Variants in ITGAL observed in about 807,000 individuals in gnomAD.
The protein encoded by ITGAL is integrin subunit alpha L.
A neutral mutation model predicts 138.4 loss-of-function variants in ITGAL; 68 were observed. That is an observed-to-expected ratio of 0.49 (90% CI 0.40 to 0.60). The LOEUF is 0.60. Ranked by LOEUF, ITGAL falls within the 20% of genes least tolerant of loss-of-function variation. The probability of loss-of-function intolerance (pLI) is 0.00; values close to 1 mark genes in which losing one functional copy is unlikely to be tolerated. For synonymous variants in ITGAL, 561 were observed against 584.3 expected, an observed-to-expected ratio of 0.96 and a Z score of 0.57; for missense variants, 1,256 against 1,478.6, an observed-to-expected ratio of 0.85 and a Z score of 2.47.
intron 17 of ITGAL, among the ~76,000 whole-genome samples, chr16:30,500,863 G>C (rs115866974): frequency 6.6e-6 from 1 of 152,138 alleles, no homozygotes; most frequent in Non-Finnish European, 1.5e-5. Context: ...AATTAGCTGC[G>C]TGTGTTGGCA....
chr16:30,498,905 T>C (rs2050843382), intron 15 of ITGAL, 169 bp from the exon 16 acceptor site: 1 of 621,550 alleles, frequency 1.6e-6, no homozygotes, highest in South Asian at 2.1e-5. Context: ...TCTCTCAAAA[T>C]AAATAAATAA....
intron 4 of ITGAL, among the ~76,000 whole-genome samples, chr16:30,475,915 C>G (rs940407613): frequency 6.6e-6 from 1 of 151,786 alleles, no homozygotes; most frequent in African/African-American, 2.4e-5. Flanking sequence ...CCATGCCCAG[C>G]TAATTTTTAT....
At chr16:30,519,761 G>A in intron 29 of ITGAL, 96 bp from the exon 30 acceptor site, 1 of 804,076 alleles carries the variant, frequency 1.2e-6, no homozygotes, top group South Asian at 1.5e-5. Flanking sequence ...GGGTGATGCA[G>A]TCCGGATAGG....
At position 30,494,253 on chromosome 16, in the gene ITGAL, T is replaced by A. The variant is rs774210178; in HGVS notation, c.1255T>A (p.Leu419Met). The change falls in exon 12 of 31, where the codon TTG (leucine) becomes ATG (methionine). Residue 419 changes from leucine to methionine, a missense_variant. Leu to Met is a conservative substitution (Grantham distance 15, BLOSUM62 2). This residue lies in a region of ITGAL where 867 missense variants were observed against 972.5 expected (regional missense o/e 0.89). Transcript: ENST00000356798. This position sits in a 1 kb window ranked among gnomAD's most constrained non-coding sequence, Gnocchi z 4.2. ...GCTGCCCTCCCGGCAAAAGACTTCG[T>A]TGCTGGCCTCGGGAGCCCCTCGATA... ...TWLPSRQKTSLLASGAPRYQH... is the reference protein window; with the variant it reads ...TWLPSRQKTSMLASGAPRYQH... The A allele has an allele frequency of 8.7e-6, 14 of 1,612,808 alleles. No homozygotes were observed. Among genetic ancestry groups the A allele is most frequent in the African/African-American group, 1.3e-5 (1 of 75,056 alleles).
At chr16:30,499,583 C>A in intron 17 of ITGAL, 94 bp downstream of exon 17, 1 of 1,228,412 alleles carries the variant, frequency 8.1e-7, no homozygotes, top group Non-Finnish European at 1.2e-6. Context: ...CACTTCCATC[C>A]CTCTGTGCTG....
intron 21 of ITGAL, among the ~76,000 whole-genome samples, chr16:30,510,010 G>C (rs1000883827): frequency 6.6e-6 from 1 of 151,318 alleles, no homozygotes; most frequent in African/African-American, 2.4e-5. Flanking sequence ...TTGCACTCTA[G>C]CCTGGGCAAC....
At chr16:30,498,411 A>C (rs1161708522) in intron 15 of ITGAL, among the ~76,000 whole-genome samples, 8 of 152,140 alleles carry the variant, frequency 5.3e-5, no homozygotes, top group Admixed American at 5.2e-4. Flanking sequence ...CAGCCTGAGC[A>C]ACAAAGCGAG....
intron 21 of ITGAL, 109 bp from the exon 22 acceptor site, chr16:30,510,252 C>A: frequency 1.4e-6 from 1 of 700,452 alleles, no homozygotes; most frequent in Non-Finnish European, 2.6e-6. Flanking sequence ...TGAGAAGGTT[C>A]CATGACAGGG....
At chr16:30,478,139 TCCTGG>T (rs1267096291) in intron 4 of ITGAL, among the ~76,000 whole-genome samples, 5 of 147,374 alleles carry the variant, frequency 3.4e-5, no homozygotes, top group African/African-American at 1.3e-4. Context: ...TTTGAGACCA[TCCTGG>T]CCAATATGGT....
At chr16:30,504,415 C>T (rs2050952237) in intron 18 of ITGAL, 151 bp downstream of exon 18, 1 of 631,868 alleles carries the variant, frequency 1.6e-6, no homozygotes, top group Non-Finnish European at 2.9e-6. Context: ...GGTTCAGGAC[C>T]AGCCTGGCCA....
chr16:30,484,124 T>C lies in ITGAL; in HGVS notation c.867T>C (p.His289=). 1.2e-6 allele frequency: 2 copies of C among 1,613,830 alleles called. No homozygotes were observed. Among genetic ancestry groups the C allele is most frequent in the Non-Finnish European group, 1.7e-6 (2 of 1,179,866 alleles). The part of the protein sequence containing the change: ...IIRYIIGIGK[H]FQTKESQETL... ...CCACTCCCTCACAGATTGGAAAGCA[T>C]TTTCAGACCAAGGAGAGTCAGGAGA... Residue 289 remains histidine (H), a synonymous_variant, in exon 9 of 31, where the codon CAT becomes CAC. Transcript: ENST00000356798.
At chr16:30,492,346 G>A (rs2050735287) in intron 11 of ITGAL, among the ~76,000 whole-genome samples, 1 of 151,178 alleles carries the variant, frequency 6.6e-6, no homozygotes, top group Admixed American at 6.6e-5. Context: ...CACCTCCCAG[G>A]TTCAACTGAT....
chr16:30,474,234 C>A lies in ITGAL; in HGVS notation c.100C>A (p.Arg34=), dbSNP rs1257627013. 4 of 1,608,852 alleles carry A rather than the reference C, an allele frequency of 2.5e-6. No individual in the cohort carries two copies. Among genetic ancestry groups the A allele is most frequent in the East Asian group, 4.5e-5 (2 of 44,640 alleles). Residue 34 remains arginine (R), a synonymous_variant, in exon 2 of 31, where the codon CGG becomes AGG. Coordinates refer to ENST00000356798, the MANE Select transcript of ITGAL (RefSeq NM_002209.3). The stretch of plus-strand genomic sequence containing the variant: ...CTACAACCTGGACGTGCGGGGCGCG[C>A]GGAGCTTCTCCCCACCGCGCGCCGG... ...SSYNLDVRGA[R]SFSPPRAGRH...
chr16:30,506,494 G>GCT (rs1293118215), intron 20 of ITGAL, among the ~76,000 whole-genome samples: 1 of 133,174 alleles, frequency 7.5e-6, no homozygotes, highest in African/African-American at 2.9e-5. Flanking sequence ...GGGAGGCGGA[G>GCT]CTTGCAGTGA....
chr16:30,501,830 A>T (rs2050903607), intron 17 of ITGAL, among the ~76,000 whole-genome samples: 1 of 152,078 alleles, frequency 6.6e-6, no homozygotes, highest in African/African-American at 2.4e-5. Context: ...TAGGAGTTCA[A>T]CACCAGCCTG....
intron 21 of ITGAL, among the ~76,000 whole-genome samples, chr16:30,507,316 G>T (rs1053733895): frequency 6.6e-6 from 1 of 151,978 alleles, no homozygotes; most frequent in South Asian, 2.1e-4. Context: ...AAAATTAGCC[G>T]GGCGAGGTGG....
chr16:30,517,819 T>C lies in ITGAL; in HGVS notation c.3056T>C (p.Phe1019Ser), dbSNP rs756721246. ...CAGCCTTGTCTCCCCGGAGCCCTGT[T>C]CCGCTGCCCTGTTGTCTTCAGGCAG... is the stretch of plus-strand genomic sequence containing the variant. ...AAEPCLPGAL[F>S]RCPVVFRQEI... The change falls in exon 28 of 31, where the codon TTC becomes TCC. Residue 1019 changes from phenylalanine to serine, a missense_variant. This residue lies in a region of ITGAL where 867 missense variants were observed against 972.5 expected (regional missense o/e 0.89). Coordinates refer to ENST00000356798, the MANE Select transcript of ITGAL (RefSeq NM_002209.3). 19 of 1,614,188 alleles carry C rather than the reference T, an allele frequency of 1.2e-5. No individual in the cohort carries two copies. Among genetic ancestry groups the C allele is most frequent in the Non-Finnish European group, 1.5e-5 (18 of 1,180,032 alleles).
chr16:30,490,226 T>TAAAAAAAAAAAAAAAAAAAAA (rs780440564), intron 11 of ITGAL, among the ~76,000 whole-genome samples: 1 of 115,186 alleles, frequency 8.7e-6, no homozygotes. Context: ...AGACTCCGTC[T>TAAAAAAAAAAAAAAAAAAAAA]TAAAAAAAAA....
intron 20 of ITGAL, among the ~76,000 whole-genome samples, chr16:30,506,318 C>T (rs2050995034): frequency 6.8e-6 from 1 of 147,930 alleles, no homozygotes; most frequent in Non-Finnish European, 1.5e-5. Flanking sequence ...CTTTGGGAGG[C>T]CGAGGCGGGC....
Sources: allele counts gnomAD v4.1 joint callset (sites outside exome capture counted in the v4.1 genomes callset), GRCh38; gene constraint gnomAD v4.1.1; regional missense constraint gnomAD v4.1.1; non-coding constraint Gnocchi (gnomAD v3.1); transcripts MANE v1.5; gene names NCBI Gene and HGNC (gene_info 2026-07-23, HGNC 2026-07-21).